CCDC18: variants seen among roughly 807,000 people sequenced by gnomAD.
CCDC18 encodes the protein coiled-coil domain containing 18.
Under a neutral mutation model 196.0 loss-of-function variants are expected in CCDC18, and 157 were observed. That is an observed-to-expected ratio of 0.80 (90% CI 0.70 to 0.91). The LOEUF (loss-of-function observed/expected upper bound fraction) is 0.91, where lower values mean the gene tolerates loss of function less well. Ranked by LOEUF, CCDC18 falls within the 40% of genes least tolerant of loss-of-function variation. The pLI is 0.00. For missense variants in CCDC18, 1,465 were observed against 1,611.6 expected (o/e 0.91, Z 1.56); for synonymous variants, 482 against 529.2 (o/e 0.91, Z 1.22).
At chr1:93,228,426 AG>A (rs1438300704) in intron 17 of CCDC18, among the ~76,000 whole-genome samples, 1 of 151,870 alleles carries the variant, frequency 6.6e-6, no homozygotes, top group Non-Finnish European at 1.5e-5. Flanking sequence ...GGAAAGCCAT[AG>A]GTAAATCTAA....
intron 3 of CCDC18, among the ~76,000 whole-genome samples, chr1:93,185,502 A>G (rs1194414411): frequency 1.3e-5 from 2 of 151,940 alleles, no homozygotes; most frequent in African/African-American, 4.8e-5. Flanking sequence ...AATGGAAACT[A>G]TGCAGTTGAG....
At chr1:93,223,902 C>CACAT (rs1242933186) in intron 16 of CCDC18, among the ~76,000 whole-genome samples, 62 of 5,710 alleles carry the variant, frequency 0.011, no homozygotes, top group African/African-American at 0.027. Flanking sequence ...TTTATTTATA[C>CACAT]ACACACACAC....
At chr1:93,204,084 C>A (rs1028913706) in intron 7 of CCDC18, among the ~76,000 whole-genome samples, 1 of 151,938 alleles carries the variant, frequency 6.6e-6, no homozygotes, top group Non-Finnish European at 1.5e-5. Flanking sequence ...TAGAAAGAAG[C>A]TAAGTTAAGG....
chr1:93,192,163 T>C, intron 5 of CCDC18, 57 bp downstream of exon 5: 1 of 1,169,860 alleles, frequency 8.5e-7, no homozygotes, highest in East Asian at 2.4e-5. Flanking sequence ...CATTTTATTA[T>C]ATCTTGTTAA....
intron 6 of CCDC18, among the ~76,000 whole-genome samples, chr1:93,200,723 T>C (rs1653684949): frequency 6.6e-6 from 1 of 152,180 alleles, no homozygotes; most frequent in South Asian, 2.1e-4. Context: ...TAAAACGTGA[T>C]TGGGAGTACA....
intron 12 of CCDC18, 94 bp downstream of exon 12, chr1:93,215,060 C>A (rs1179342495): frequency 1.3e-6 from 1 of 759,812 alleles, no homozygotes; most frequent in Non-Finnish European, 2.0e-6. Context: ...TGTTTACATC[C>A]AGATTTAAAG....
intron 12 of CCDC18, 126 bp downstream of exon 12, chr1:93,215,092 T>G (rs1312818062): frequency 1.8e-6 from 1 of 548,388 alleles, no homozygotes; most frequent in Non-Finnish European, 3.1e-6. Context: ...TGGTACCACA[T>G]AAGTTATAAA....
intron 28 of CCDC18, among the ~76,000 whole-genome samples, chr1:93,274,995 ACTC>A (rs1299769481): frequency 1.3e-5 from 2 of 152,052 alleles, no homozygotes; most frequent in African/African-American, 4.8e-5. Flanking sequence ...CTCACATGGA[ACTC>A]CTACAGCGCA....
At position 93,214,738 on chromosome 1, in the gene CCDC18, A is replaced by G. The variant is rs749433340; in HGVS notation, c.1496-5A>G. On this transcript the variant is annotated splice_polypyrimidine_tract_variant and splice_region_variant and intron_variant, in intron 11 of 28. Transcript: ENST00000690025. ...TCAGAACAATTTTCCTTTTATGTTT[A>G]TTAGCAGAAAGCGTAAAAGATCAAA... The G allele has an allele frequency of 6.2e-7, 1 of 1,601,500 alleles. No individual in the cohort carries two copies. Among genetic ancestry groups the G allele is most frequent in the Non-Finnish European group, 8.5e-7 (1 of 1,172,354 alleles).
chr1:93,238,362 C>A (rs12048219), intron 19 of CCDC18, among the ~76,000 whole-genome samples: 1 of 152,008 alleles, frequency 6.6e-6, no homozygotes, highest in African/African-American at 2.4e-5. Context: ...GTCTTCTATA[C>A]ATAGATGTAT....
intron 6 of CCDC18, among the ~76,000 whole-genome samples, chr1:93,200,305 A>G (rs1166130228): frequency 1.3e-5 from 2 of 150,710 alleles, no homozygotes; most frequent in African/African-American, 2.4e-5. Flanking sequence ...TAAAAATGTG[A>G]AAACATGGTA....
chr1:93,218,244 A>G (rs1020658134), intron 14 of CCDC18, among the ~76,000 whole-genome samples: 26 of 152,338 alleles, frequency 1.7e-4, no homozygotes, highest in African/African-American at 4.8e-4. Flanking sequence ...GTAAAAAAAA[A>G]TAGATACAGT....
rs531832717 is a variant in CCDC18, at chr1:93,202,846, A to T, written c.795+858A>T. Reference sequence around the variant, plus strand: ...TAAACAAATAATTTCAGTATTTTGGAATAAGTATAATATAGAAATAAGAGG... The same window carrying T: ...TAAACAAATAATTTCAGTATTTTGGTATAAGTATAATATAGAAATAAGAGG... On this transcript the variant is annotated intron_variant, in intron 7 of 28. Transcript: ENST00000690025. Among the ~76,000 whole-genome samples, 10 of 152,294 alleles carry T rather than the reference A, an allele frequency of 6.6e-5. No individual in the cohort carries two copies. In the South Asian group the frequency reaches 1.9e-3, roughly 28 times the overall value.
At chr1:93,232,615 T>C (rs763912566) in intron 18 of CCDC18, 22 bp downstream of exon 18, 12 of 1,486,248 alleles carry the variant, frequency 8.1e-6, no homozygotes, top group Non-Finnish European at 1.0e-5. Flanking sequence ...TAGCCCAAGA[T>C]TGTTTTATTT....
At chr1:93,267,276 T>TA in intron 27 of CCDC18, among the ~76,000 whole-genome samples, 1 of 152,300 alleles carries the variant, frequency 6.6e-6, no homozygotes, top group East Asian at 1.9e-4. Flanking sequence ...AAACTAGGTA[T>TA]TGATGGGACA....
intron 27 of CCDC18, among the ~76,000 whole-genome samples, chr1:93,269,931 T>TATCTA (rs1665071411): frequency 6.6e-6 from 1 of 152,198 alleles, no homozygotes; most frequent in Non-Finnish European, 1.5e-5. Flanking sequence ...CAGAATAGCT[T>TATCTA]ATCTATTTAT....
At chr1:93,210,238 A>G (rs1655392427) in intron 9 of CCDC18, among the ~76,000 whole-genome samples, 1 of 152,096 alleles carries the variant, frequency 6.6e-6, no homozygotes, top group African/African-American at 2.4e-5. Context: ...CCTTTTTATA[A>G]CTGTCTTTTA....
chr1:93,207,510 T>C (rs1195129040), intron 9 of CCDC18, 112 bp downstream of exon 9: 3 of 745,258 alleles, frequency 4.0e-6, no homozygotes, highest in Middle Eastern at 4.0e-4. Context: ...TCTCTATACT[T>C]TTAGTCATGA....
At chr1:93,251,976 T>C (rs1441533888) in intron 23 of CCDC18, among the ~76,000 whole-genome samples, 3 of 152,098 alleles carry the variant, frequency 2.0e-5, no homozygotes, top group Non-Finnish European at 4.4e-5. Context: ...TATTCCTTTT[T>C]TCCTCCTCTC....
Sources: gnomAD v4.1 joint callset for allele counts (sites outside exome capture counted in the v4.1 genomes callset) on GRCh38, gnomAD v4.1.1 for gene constraint, MANE v1.5 for transcripts, NCBI Gene and HGNC (gene_info 2026-07-23, HGNC 2026-07-21) for gene names.